The following RIMS1 variants were observed in gnomAD, a reference collection of about 807,000 sequenced individuals.
RIMS1 encodes regulating synaptic membrane exocytosis 1, also known as regulating synaptic membrane exocytosis protein 1.
Under a neutral mutation model 214.1 loss-of-function variants are expected in RIMS1, and 83 were observed. The ratio of observed to expected loss-of-function variants is 0.39; its 90% confidence interval spans 0.32 to 0.47. The LOEUF is 0.47. Among genes scored for constraint, RIMS1 ranks in the 20% least tolerant of loss-of-function variants. RIMS1 has a pLI of 0.99. For synonymous variants in RIMS1, 793 were observed against 786.8 expected (o/e 1.01, Z -0.13); for missense variants, 2,050 against 2,161.8 (o/e 0.95, Z 1.03).
rs777214787 is a variant in RIMS1 at position 72,024,900 on chromosome 6, G to GTTTTTTTTTTTTTT, written c.245+55847_245+55860dup. Among the ~76,000 whole-genome samples the GTTTTTTTTTTTTTT allele has an allele frequency of 9.1e-5, 9 of 98,666 alleles. 1 individual carries two copies. The highest frequency in any genetic ancestry group is 3.4e-4 in the African/African-American group (9 of 26,622). The allele number at this position is 98,666 out of a possible 152,430, so 64.7% of individuals were successfully genotyped here. On this transcript the variant is annotated intron_variant, in intron 2 of 33. Coordinates refer to ENST00000521978, the MANE Select transcript of RIMS1 (RefSeq NM_014989.7). ...AACTCAGGATTCTTAAAATCTGTGGGTTTTTTTTTTTTTTTTTTTTTTTGA... is the reference window on the plus strand; with the variant it reads ...AACTCAGGATTCTTAAAATCTGTGGGTTTTTTTTTTTTTTTTTTTTTTTTTTTTTTTTTTTTTGA...
At chr6:72,292,390 C>G (rs980213179) in intron 26 of RIMS1, among the ~76,000 whole-genome samples, 1 of 152,032 alleles carries the variant, frequency 6.6e-6, no homozygotes, top group African/African-American at 2.4e-5. Context: ...AATATTTTAT[C>G]TTTTAAAAGA....
chr6:72,398,886 A>T lies in RIMS1; in HGVS notation c.4721-69A>T, dbSNP rs1007828045. 67 of 959,916 alleles carry T rather than the reference A, an allele frequency of 7.0e-5. No individual in the cohort carries two copies. In the Middle Eastern group the frequency reaches 8.0e-4, roughly 11 times the overall value. The allele number at this position is 959,916 out of a possible 1,614,324, so 59.5% of individuals were successfully genotyped here. Reference sequence around the variant, plus strand: ...AAGCATCTCTAATTCTCTAATAGGGAATTCTCTAATTAAAAAAATAGTTGA... The same window carrying T: ...AAGCATCTCTAATTCTCTAATAGGGTATTCTCTAATTAAAAAAATAGTTGA... On this transcript the variant is annotated intron_variant, in intron 32 of 33. Transcript: ENST00000521978.
chr6:72,163,210 T>C (rs1439315568), intron 4 of RIMS1, among the ~76,000 whole-genome samples: 2 of 140,186 alleles, frequency 1.4e-5, no homozygotes, highest in African/African-American at 4.9e-5. Context: ...ATCACATAGT[T>C]CTTGTGCCAT....
intron 2 of RIMS1, among the ~76,000 whole-genome samples, chr6:72,050,165 T>C (rs1471741944): frequency 2.0e-5 from 3 of 152,214 alleles, no homozygotes; most frequent in African/African-American, 7.2e-5. Flanking sequence ...AGGATGATCC[T>C]GAGCACAGAC....
intron 1 of RIMS1, among the ~76,000 whole-genome samples, chr6:71,929,981 A>G (rs1421641119): frequency 3.3e-5 from 5 of 152,078 alleles, no homozygotes; most frequent in Non-Finnish European, 5.9e-5. Context: ...GGTCAATGAC[A>G]TTATGCAGAT....
At chr6:72,373,052 T>A (rs1157576805) in intron 29 of RIMS1, among the ~76,000 whole-genome samples, 1 of 152,228 alleles carries the variant, frequency 6.6e-6, no homozygotes, top group Non-Finnish European at 1.5e-5. Flanking sequence ...CTAATTTTCA[T>A]TGTGTTGGTA....
At chr6:71,928,186 A>G (rs561985844) in intron 1 of RIMS1, among the ~76,000 whole-genome samples, 9 of 152,300 alleles carry the variant, frequency 5.9e-5, no homozygotes, top group Non-Finnish European at 1.2e-4. Context: ...ATAAGTATTT[A>G]TACGTACATC....
At chr6:72,010,375 A>C (rs1269246879) in intron 2 of RIMS1, among the ~76,000 whole-genome samples, 1 of 152,210 alleles carries the variant, frequency 6.6e-6, no homozygotes, top group Non-Finnish European at 1.5e-5. Context: ...CCAATATCAT[A>C]CTGAATGGGC....
At chr6:72,010,728 A>G (rs1330960252) in intron 2 of RIMS1, among the ~76,000 whole-genome samples, 3 of 152,186 alleles carry the variant, frequency 2.0e-5, no homozygotes, top group Admixed American at 1.3e-4. Context: ...CCCATTCACA[A>G]TTGCTTCAAA....
At chr6:71,904,951 AT>A (rs1451581728) in intron 1 of RIMS1, among the ~76,000 whole-genome samples, 1 of 152,132 alleles carries the variant, frequency 6.6e-6, no homozygotes, top group African/African-American at 2.4e-5. Context: ...GCTCTATAAG[AT>A]TTCATTTCAC....
intron 29 of RIMS1, among the ~76,000 whole-genome samples, chr6:72,368,292 ATTTTTTTTTTTTTT>A (rs1168375463): frequency 1.3e-5 from 1 of 79,112 alleles, no homozygotes; most frequent in Non-Finnish European, 2.5e-5. Flanking sequence ...GTGTTGTCTG[ATTTTTTTTTTTTTT>A]TTTTTTTTTT....
chr6:72,198,543 G>A (rs2051383972), intron 6 of RIMS1, among the ~76,000 whole-genome samples: 1 of 151,770 alleles, frequency 6.6e-6, no homozygotes, highest in African/African-American at 2.4e-5. Context: ...CTGCTCAATG[G>A]GTACAAACTT....
chr6:72,040,764 A>G (rs1821219766), intron 2 of RIMS1, among the ~76,000 whole-genome samples: 1 of 151,898 alleles, frequency 6.6e-6, no homozygotes, highest in Non-Finnish European at 1.5e-5. Flanking sequence ...GTAAAAGACC[A>G]TTTTATTGTT....
At chr6:72,315,340 A>G (rs891910643) in intron 28 of RIMS1, among the ~76,000 whole-genome samples, 3 of 152,040 alleles carry the variant, frequency 2.0e-5, no homozygotes, top group Non-Finnish European at 2.9e-5. Flanking sequence ...TGATAAATCT[A>G]TTTTCTCTAA....
intron 4 of RIMS1, among the ~76,000 whole-genome samples, chr6:72,172,562 T>A (rs1438706385): frequency 6.6e-6 from 1 of 152,084 alleles, no homozygotes; most frequent in African/African-American, 2.4e-5. Context: ...ACCCAAAATC[T>A]CTATTTTGTT....
At chr6:72,377,079 C>A (rs139940752) in intron 29 of RIMS1, among the ~76,000 whole-genome samples, 2 of 152,122 alleles carry the variant, frequency 1.3e-5, no homozygotes, top group African/African-American at 4.8e-5. Flanking sequence ...CCTTCCTTGA[C>A]AAAAATATCT....
chr6:72,085,453 A>G (rs933301628), intron 2 of RIMS1, among the ~76,000 whole-genome samples: 1 of 152,190 alleles, frequency 6.6e-6, no homozygotes, highest in Admixed American at 6.5e-5. Flanking sequence ...TATCAGGTTA[A>G]ATATGTGTAT....
chr6:72,381,651 T>C (rs2098490434), intron 29 of RIMS1, among the ~76,000 whole-genome samples: 1 of 152,250 alleles, frequency 6.6e-6, no homozygotes, highest in Admixed American at 6.5e-5. Context: ...TGTTTATACT[T>C]TCAATAGCTC....
intron 2 of RIMS1, among the ~76,000 whole-genome samples, chr6:72,014,625 A>G (rs940123807): frequency 6.6e-6 from 1 of 152,198 alleles, no homozygotes; most frequent in African/African-American, 2.4e-5. Context: ...TGATGTATAA[A>G]TAGTCATGTG....
Sources: gnomAD v4.1 joint callset for allele counts (sites outside exome capture counted in the v4.1 genomes callset) on GRCh38, gnomAD v4.1.1 for gene constraint, MANE v1.5 for transcripts, NCBI Gene and HGNC (gene_info 2026-07-23, HGNC 2026-07-21) for gene names.